TNNT2: variants seen among roughly 807,000 people sequenced by gnomAD.
TNNT2 encodes troponin T, cardiac muscle.
In TNNT2, 34 loss-of-function variants were observed where a neutral mutation model predicts 62.4. The observed-to-expected ratio is 0.54, with a 90% CI of 0.41 to 0.72. The LOEUF (loss-of-function observed/expected upper bound fraction) is 0.72, where lower values mean the gene tolerates loss of function less well. Ranked by LOEUF, TNNT2 falls within the 30% of genes least tolerant of loss-of-function variation. The probability of loss-of-function intolerance (pLI) is 0.00; values close to 1 mark genes in which losing one functional copy is unlikely to be tolerated. For synonymous variants in TNNT2, 123 were observed against 127.2 expected (o/e 0.97, Z 0.22); for missense variants, 275 against 381.9 (o/e 0.72, Z 2.33).
chr1:201,362,411 T>TGA lies in TNNT2; in HGVS notation c.601-19_601-18dup. The TGA allele has an allele frequency of 6.2e-7, 1 of 1,613,262 alleles. No individual in the cohort carries two copies. Among genetic ancestry groups the TGA allele is most frequent in the Non-Finnish European group, 8.5e-7 (1 of 1,179,726 alleles). ...CTGGGCCTGCTAAACCGGGAAACCA[T>TGA]GAGAGAGAGGCCCATAGAAAAAGAC... On this transcript the variant is annotated splice_polypyrimidine_tract_variant and intron_variant, in intron 12 of 16. Transcript: ENST00000656932.
At chr1:201,361,836 G>T in intron 14 of TNNT2, 77 bp downstream of exon 14, 1 of 1,361,456 alleles carries the variant, frequency 7.3e-7, no homozygotes, top group Non-Finnish European at 1.1e-6. Context: ...GTGGCTCACA[G>T]CAAGAAGTGC....
At chr1:201,366,654 C>T in intron 8 of TNNT2, 184 bp downstream of exon 8, 1 of 1,491,168 alleles carries the variant, frequency 6.7e-7, no homozygotes, top group East Asian at 2.5e-5. Flanking sequence ...TGGAATTCAG[C>T]CCTCACTCAC....
In TNNT2 at chr1:201,365,212, G is replaced by C. The variant is rs758543857; in HGVS notation, c.390C>G (p.Leu130=). 3 of 1,613,988 alleles carry C rather than the reference G, an allele frequency of 1.9e-6. No individual in the cohort carries two copies. The highest frequency in any genetic ancestry group is 2.5e-6 in the Non-Finnish European group (3 of 1,179,884). ...FENRKKEEEE[L]VSLKDRIERR... is the part of the protein sequence containing the mutation. Reference sequence around the variant, plus strand: ...CTACGATCCTGTCTTTGAGAGAAACGAGCTCCTCCTCCTCTTTCTTCCTGT... The same window carrying C: ...CTACGATCCTGTCTTTGAGAGAAACCAGCTCCTCCTCCTCTTTCTTCCTGT... Residue 130 remains leucine (L), a synonymous_variant, in exon 10 of 17, where the codon CTC becomes CTG. Transcript: ENST00000656932.
chr1:201,365,137 T>A, intron 10 of TNNT2, 54 bp downstream of exon 10: 2 of 1,463,310 alleles, frequency 1.4e-6, no homozygotes, highest in Non-Finnish European at 1.9e-6. Context: ...ACAAAAGGGA[T>A]GGAGGACAGA....
chr1:201,374,968 C>T (rs1315652039), intron 1 of TNNT2: 1 of 152,530 alleles, frequency 6.6e-6, no homozygotes, highest in Non-Finnish European at 1.5e-5. Context: ...ATGCTCCTCC[C>T]CTGCTGCCCA....
At chr1:201,360,022 C>A (rs1658318997) in intron 15 of TNNT2, among the ~76,000 whole-genome samples, 1 of 152,180 alleles carries the variant, frequency 6.6e-6, no homozygotes, top group Admixed American at 6.5e-5. Flanking sequence ...CTGGGGCACC[C>A]CTGCCCAGCT....
Position 201,365,696 on chromosome 1 carries a change from T to A in TNNT2, c.234-26A>T, listed in dbSNP as rs753662027. On this transcript the variant is annotated intron_variant, in intron 8 of 16. Coordinates refer to ENST00000656932, the MANE Select transcript of TNNT2 (RefSeq NM_001276345.2). ...CTGTTGGAGAGAGGAATAGTCAGCA[T>A]CAGCCCCATTCTGGACCCAGGGACT... 1.2e-5 allele frequency: 19 copies of A among 1,612,282 alleles called. No individual in the cohort carries two copies. In the Admixed American group the frequency reaches 2.0e-4, roughly 17 times the overall value.
rs560019679 is a variant in TNNT2, at chr1:201,365,226, CT to C, written c.375del (p.Glu126ArgfsTer66). The C allele has an allele frequency of 5.6e-6, 9 of 1,614,054 alleles. No individual in the cohort carries two copies. The highest frequency in any genetic ancestry group is 7.6e-6 in the Non-Finnish European group (9 of 1,180,014). On this transcript the variant is annotated frameshift_variant, in exon 10 of 17. Transcript: ENST00000656932. LOFTEE classifies it high-confidence loss of function. ...TTGAGAGAAACGAGCTCCTCCTCCT[CT>C]TTCTTCCTGTTCTCAAAGTGAGCCT... Reference protein sequence around the residue: ...LIEAHFENRKKEEEELVSLKD... With the variant: ...LIEAHFENRKXEEEELVSLKD...
chr1:201,375,589 G>C (rs1201541522), intron 1 of TNNT2, among the ~76,000 whole-genome samples: 2 of 152,186 alleles, frequency 1.3e-5, no homozygotes, highest in East Asian at 1.9e-4. Context: ...CTTAGGATGA[G>C]AGTGGCCAAA....
intron 1 of TNNT2, 44 bp downstream of exon 1, chr1:201,377,579 C>T: frequency 2.2e-6 from 1 of 456,320 alleles, no homozygotes; most frequent in Non-Finnish European, 4.4e-6. Flanking sequence ...TCTCCCCGTC[C>T]ATTCTCTGCT....
At chr1:201,371,938 G>A in intron 4 of TNNT2, 89 bp downstream of exon 4, 1 of 1,541,408 alleles carries the variant, frequency 6.5e-7, no homozygotes, top group Non-Finnish European at 8.9e-7. Flanking sequence ...GAGGAGCAGG[G>A]ACAGATGAGC....
At chr1:201,372,593 G>A (rs1055261909) in intron 2 of TNNT2, among the ~76,000 whole-genome samples, 21 of 152,160 alleles carry the variant, frequency 1.4e-4, no homozygotes, top group African/African-American at 2.2e-4. Flanking sequence ...CCAACAGCCC[G>A]CCCTCCACAC....
At chr1:201,365,489 C>A in intron 9 of TNNT2, 121 bp downstream of exon 9, 1 of 1,270,360 alleles carries the variant, frequency 7.9e-7, no homozygotes, top group Non-Finnish European at 1.1e-6. Context: ...CCCAGCCTGG[C>A]TGGTGCTGCA....
chr1:201,366,719 G>T, intron 8 of TNNT2, 119 bp downstream of exon 8: 2 of 1,603,328 alleles, frequency 1.2e-6, no homozygotes, highest in Non-Finnish European at 1.7e-6. Context: ...GTACTGTGGT[G>T]CTCTGTGCCC....
At chr1:201,369,488 C>A in intron 5 of TNNT2, 2 of 500,722 alleles carry the variant, frequency 4.0e-6, no homozygotes, top group Non-Finnish European at 8.0e-6. Context: ...GGCAGGGTGG[C>A]GCTGCTGTCT....
chr1:201,367,383 G>A (rs1367125112), intron 7 of TNNT2: 2 of 407,240 alleles, frequency 4.9e-6, no homozygotes, highest in East Asian at 5.3e-5. Context: ...GCAGCATGAC[G>A]ATGACTGCAG....
intron 15 of TNNT2, chr1:201,360,869 G>A (rs1658492985): frequency 3.0e-6 from 1 of 335,520 alleles, no homozygotes; most frequent in South Asian, 2.5e-5. Flanking sequence ...TTGAGGCTCA[G>A]CCTAATTGTG....
rs961317784 is a variant in TNNT2, at chr1:201,372,936, C to T, written c.41+278G>A. ...CAGGAGACCCAACATCTCAGCTTCTCTGTTCATGGCCCCTAGCCAAGACTG... is the reference window on the plus strand; with the variant it reads ...CAGGAGACCCAACATCTCAGCTTCTTTGTTCATGGCCCCTAGCCAAGACTG... On this transcript the variant is annotated intron_variant, in intron 2 of 16. Coordinates refer to ENST00000656932, the MANE Select transcript of TNNT2 (RefSeq NM_001276345.2). 6 of 606,778 alleles carry T rather than the reference C, an allele frequency of 9.9e-6. No homozygotes were observed. The African/African-American group carries it at 1.1e-4, about 11-fold the overall frequency. The allele number at this position is 606,778 out of a possible 1,614,324, so 37.6% of individuals were successfully genotyped here. A position where few individuals can be genotyped will look rare whatever the true frequency, so the allele number is the denominator to read the frequency against.
At chr1:201,368,039 G>T in intron 6 of TNNT2, 123 bp downstream of exon 6, 1 of 1,093,130 alleles carries the variant, frequency 9.1e-7, no homozygotes, top group Non-Finnish European at 1.4e-6. Context: ...TTGAATCTTA[G>T]TCAATAGGAG....
Sources: gnomAD v4.1 joint callset for allele counts (sites outside exome capture counted in the v4.1 genomes callset) on GRCh38, gnomAD v4.1.1 for gene constraint, MANE v1.5 for transcripts, NCBI Gene and HGNC (gene_info 2026-07-23, HGNC 2026-07-21) for gene names.